DENND4A: variants seen among roughly 807,000 people sequenced by gnomAD.
DENND4A encodes the protein DENN domain containing 4A.
A neutral mutation model predicts 199.3 loss-of-function variants in DENND4A; 70 were observed. That is an observed-to-expected ratio of 0.35 (90% CI 0.29 to 0.43). The LOEUF is 0.43. DENND4A is among the 20% of genes least tolerant of loss of function. The probability of loss-of-function intolerance (pLI) is 1.00; values close to 1 mark genes in which losing one functional copy is unlikely to be tolerated. For synonymous variants in DENND4A, 686 were observed against 766.9 expected, an observed-to-expected ratio of 0.89 and a Z score of 1.74; for missense variants, 1,723 against 2,255.8, an observed-to-expected ratio of 0.76 and a Z score of 4.78.
chr15:65,717,082 C>T (rs1327367691), intron 13 of DENND4A, among the ~76,000 whole-genome samples: 1 of 152,002 alleles, frequency 6.6e-6, no homozygotes, highest in African/African-American at 2.4e-5. Flanking sequence ...GTTGTTCACT[C>T]TTTATTTCCA....
intron 1 of DENND4A, among the ~76,000 whole-genome samples, chr15:65,789,212 G>GTTT (rs2077649755): frequency 6.6e-6 from 1 of 151,882 alleles, no homozygotes; most frequent in Non-Finnish European, 1.5e-5. Context: ...TTTGAGACAG[G>GTTT]GTCTTACTCT....
chr15:65,715,341 C>G, intron 14 of DENND4A, 137 bp downstream of exon 14: 1 of 844,788 alleles, frequency 1.2e-6, no homozygotes, highest in South Asian at 2.3e-5. Context: ...GCTACCAAAA[C>G]TTTCATTTAA....
At chr15:65,727,821 GA>G (rs2075848385) in intron 11 of DENND4A, 1 of 399,108 alleles carries the variant, frequency 2.5e-6, no homozygotes, top group African/African-American at 2.1e-5. Flanking sequence ...AAACAATACA[GA>G]ATTATAAAAA....
intron 3 of DENND4A, among the ~76,000 whole-genome samples, chr15:65,753,393 C>G (rs2076616769): frequency 1.3e-5 from 2 of 152,304 alleles, no homozygotes; most frequent in South Asian, 4.1e-4. Flanking sequence ...GAGTCTCACT[C>G]TGTCACCCAG....
Position 65,752,426 on chromosome 15 carries a change from G to A in DENND4A, c.514C>T (p.Pro172Ser). ...CIIIPSKGESPPHTFCKVDKN... is the reference protein window; with the variant it reads ...CIIIPSKGESSPHTFCKVDKN... ...TCGACTTTGCAGAACGTGTGTGGTG[G>A]GCTTTCTCCTTTACTGGGTATAATA... Residue 172 changes from proline to serine, a missense_variant, in exon 4 of 33, where the codon CCA becomes TCA. Coordinates refer to ENST00000443035, the MANE Select transcript of DENND4A (RefSeq NM_001320835.1). 2 of 1,613,198 alleles carry A rather than the reference G, an allele frequency of 1.2e-6. No homozygotes were observed. Among genetic ancestry groups the A allele is most frequent in the African/African-American group, 2.7e-5 (2 of 74,920 alleles).
intron 12 of DENND4A, among the ~76,000 whole-genome samples, chr15:65,720,947 T>TTATA (rs72498783): frequency 0.025 from 1,889 of 76,004 alleles, 132 homozygotes; most frequent in African/African-American, 0.079. Flanking sequence ...GTTTCATTGA[T>TTATA]TATATATATA....
At chr15:65,716,491 C>A (rs2075406208) in intron 13 of DENND4A, among the ~76,000 whole-genome samples, 1 of 147,382 alleles carries the variant, frequency 6.8e-6, no homozygotes, top group Non-Finnish European at 1.5e-5. Context: ...TGAGAACATG[C>A]GGTGTTTGGT....
rs758535454 is a variant in DENND4A, at chr15:65,722,959, A to G, written c.1488-11T>C. The G allele has an allele frequency of 3.8e-6, 6 of 1,590,578 alleles. No homozygotes were observed. In the Admixed American group the frequency reaches 1.0e-4, roughly 28 times the overall value. On this transcript the variant is annotated splice_polypyrimidine_tract_variant and intron_variant, in intron 11 of 32. Transcript: ENST00000443035. ...TTCTTGTCACCAATTCTAAGATTAA[A>G]TAACAACAGGAATATATTTGTTACA...
At chr15:65,771,916 AAAGC>A in intron 1 of DENND4A, 1 of 1,611,454 alleles carries the variant, frequency 6.2e-7, no homozygotes, top group Non-Finnish European at 8.5e-7. Flanking sequence ...ATGAAACTTC[AAAGC>A]AAGCTTTCTA....
At chr15:65,781,383 G>A (rs1259133413) in intron 1 of DENND4A, among the ~76,000 whole-genome samples, 2 of 152,156 alleles carry the variant, frequency 1.3e-5, no homozygotes, top group Admixed American at 6.5e-5. Context: ...TTCTGAGAAG[G>A]TGAATCTCAA....
intron 4 of DENND4A, among the ~76,000 whole-genome samples, chr15:65,744,288 T>C (rs1043173037): frequency 1.3e-5 from 2 of 152,230 alleles, no homozygotes; most frequent in East Asian, 3.9e-4. Context: ...TAAAGCAGGT[T>C]TGGGGTGAAG....
chr15:65,700,004 A>T (rs994325654), intron 20 of DENND4A, among the ~76,000 whole-genome samples: 2 of 152,002 alleles, frequency 1.3e-5, no homozygotes, highest in South Asian at 4.1e-4. Context: ...TTATATATTT[A>T]AAATTTTTTA....
chr15:65,730,047 T>C (rs991451445), intron 9 of DENND4A, among the ~76,000 whole-genome samples: 2 of 152,196 alleles, frequency 1.3e-5, no homozygotes, highest in Admixed American at 6.5e-5. Context: ...AATCCTTAAA[T>C]GGAAGTTTTT....
At chr15:65,676,895 T>C (rs1488571955) in intron 23 of DENND4A, among the ~76,000 whole-genome samples, 3 of 152,224 alleles carry the variant, frequency 2.0e-5, no homozygotes, top group Admixed American at 2.0e-4. Flanking sequence ...TCGTTGACTT[T>C]TAATTTCCAT....
At chr15:65,711,568 G>C (rs2075252075) in intron 14 of DENND4A, among the ~76,000 whole-genome samples, 1 of 152,118 alleles carries the variant, frequency 6.6e-6, no homozygotes, top group Non-Finnish European at 1.5e-5. Context: ...ACAAAATGCA[G>C]GGTTCCACAA....
At chr15:65,710,422 G>A (rs2075210862) in intron 14 of DENND4A, among the ~76,000 whole-genome samples, 1 of 152,166 alleles carries the variant, frequency 6.6e-6, no homozygotes, top group African/African-American at 2.4e-5. Flanking sequence ...GGTCCCTTAT[G>A]ATTCAGTAAG....
intron 11 of DENND4A, among the ~76,000 whole-genome samples, chr15:65,724,573 A>C (rs901344358): frequency 1.3e-5 from 2 of 152,194 alleles, no homozygotes; most frequent in Non-Finnish European, 2.9e-5. Flanking sequence ...AAGGGCAAAT[A>C]TCACTTTGAA....
At chr15:65,738,303 C>T (rs774665787) in intron 6 of DENND4A, among the ~76,000 whole-genome samples, 4 of 152,084 alleles carry the variant, frequency 2.6e-5, no homozygotes, top group Admixed American at 6.6e-5. Context: ...TTGGGCAATT[C>T]ATTGAATTTC....
chr15:65,787,424 C>T (rs1156903852), intron 1 of DENND4A, among the ~76,000 whole-genome samples: 2 of 152,254 alleles, frequency 1.3e-5, no homozygotes, highest in East Asian at 3.9e-4. Context: ...GGAAAATTCC[C>T]TTGATATCTT....
Sources: allele counts gnomAD v4.1 joint callset (sites outside exome capture counted in the v4.1 genomes callset), GRCh38; gene constraint gnomAD v4.1.1; transcripts MANE v1.5; gene names NCBI Gene and HGNC (gene_info 2026-07-23, HGNC 2026-07-21).